The following CEP72 variants were observed in gnomAD, a reference collection of about 807,000 sequenced individuals.
CEP72 encodes the protein centrosomal protein 72, also known as centrosomal protein of 72 kDa.
CEP72 carries 78 observed loss-of-function variants against 65.7 expected under a neutral mutation model. The observed-to-expected ratio is 1.19, with a 90% CI of 0.99 to 1.43. The LOEUF is 1.43. Ranked by LOEUF, CEP72 falls within the 40% of genes most tolerant of loss-of-function variation. The pLI, the probability that CEP72 is intolerant of heterozygous loss-of-function variation, is 0.00. For missense variants in CEP72, 914 were observed against 832.9 expected, an observed-to-expected ratio of 1.10 and a Z score of -1.20; for synonymous variants, 358 against 351.7, an observed-to-expected ratio of 1.02 and a Z score of -0.20.
In CEP72 at chr5:612,453, AGGGC is replaced by A; in HGVS notation, c.82+18_82+21del. 1 of 1,291,280 alleles carries A rather than the reference AGGGC, an allele frequency of 7.7e-7. No homozygotes were observed. Among genetic ancestry groups the A allele is most frequent in the Non-Finnish European group, 1.0e-6 (1 of 977,380 alleles). The allele number at this position is 1,291,280 out of a possible 1,614,324, so 80.0% of individuals were successfully genotyped here. ...CCTCACCGCGACCTGGGTGCGCCGGAGGGCGGGCGGGGGTGCAAGCGTGAGGTGG... is the reference window on the plus strand; with the variant it reads ...CCTCACCGCGACCTGGGTGCGCCGGAGGGCGGGGGTGCAAGCGTGAGGTGG... On this transcript the variant is annotated intron_variant, in intron 1 of 11. Coordinates refer to ENST00000264935, the MANE Select transcript of CEP72 (RefSeq NM_018140.4).
chr5:644,074 C>T (rs959208394), intron 9 of CEP72: 1 of 518,216 alleles, frequency 1.9e-6, no homozygotes, highest in African/African-American at 1.9e-5. Context: ...GCGCTCCTTT[C>T]CATCCCTCTC....
chr5:642,250 C>T (rs1421880913), intron 9 of CEP72: 1 of 774,684 alleles, frequency 1.3e-6, no homozygotes, highest in African/African-American at 2.4e-5. Flanking sequence ...CCAGAAGCCT[C>T]TGCTTTTAAA....
rs542445235 is a variant in CEP72, at chr5:645,891, C to T, written c.1666+1466C>T. Reference sequence around the variant, plus strand: ...GCTGTGTGAGCGTCACTCCTGCTCCCGTCGGCGGCCTGTGTGGACGGTGAA... The same window carrying T: ...GCTGTGTGAGCGTCACTCCTGCTCCTGTCGGCGGCCTGTGTGGACGGTGAA... On this transcript the variant is annotated intron_variant, in intron 10 of 11. Coordinates refer to ENST00000264935, the MANE Select transcript of CEP72 (RefSeq NM_018140.4). The surrounding 1 kb of genome is among the most constrained non-coding windows in gnomAD (Gnocchi z 4.0). Among the ~76,000 whole-genome samples the T allele has an allele frequency of 5.3e-5, 8 of 152,322 alleles. No homozygotes were observed. The highest frequency in any genetic ancestry group is 2.1e-4 in the South Asian group (1 of 4,822).
At chr5:635,258 A>T in intron 5 of CEP72, 114 bp from the exon 6 acceptor site, 1 of 765,148 alleles carries the variant, frequency 1.3e-6, no homozygotes, top group South Asian at 1.9e-5. Context: ...GCACGTGATT[A>T]ACCCCTCGGT....
chr5:614,283 T>A (rs1735856107), intron 1 of CEP72, among the ~76,000 whole-genome samples: 1 of 152,158 alleles, frequency 6.6e-6, no homozygotes, highest in Non-Finnish European at 1.5e-5. Context: ...TGTAGATTAT[T>A]GATTTGAGAC....
intron 4 of CEP72, among the ~76,000 whole-genome samples, chr5:628,490 C>A (rs1736918280): frequency 6.6e-6 from 1 of 150,598 alleles, no homozygotes; most frequent in African/African-American, 2.5e-5. Flanking sequence ...GTTGCCGTCC[C>A]TGGGGAGTGT....
At chr5:656,372 G>A (rs915342900), downstream of CEP72, among the ~76,000 whole-genome samples, 3 of 152,204 alleles carry the variant, frequency 2.0e-5, no homozygotes, top group Non-Finnish European at 2.9e-5. Context: ...ATCAACTTGG[G>A]AATCATTGAC....
chr5:664,876 TAGG>T (rs1739828355), intron 2 of CEP72: 1 of 572,426 alleles, frequency 1.7e-6, no homozygotes, highest in Non-Finnish European at 3.1e-6. Flanking sequence ...GCAGGTGTAT[TAGG>T]AGGGTCAGCG....
intron 2 of CEP72, chr5:665,002 C>CT (rs1416025849): frequency 4.9e-6 from 7 of 1,424,694 alleles, no homozygotes; most frequent in Middle Eastern, 2.6e-4. Context: ...GGGCACCCGT[C>CT]TGAGTTCTGC....
chr5:670,294 G>A (rs1016867240), downstream of CEP72, among the ~76,000 whole-genome samples: 5 of 152,196 alleles, frequency 3.3e-5, no homozygotes, highest in African/African-American at 4.8e-5. Context: ...AGGGGCGGGG[G>A]CCGGCGGGCG....
At chr5:668,938 G>C (rs1302589194), downstream of CEP72, among the ~76,000 whole-genome samples, 3 of 152,206 alleles carry the variant, frequency 2.0e-5, no homozygotes, top group Non-Finnish European at 2.9e-5. Flanking sequence ...GTGATTCCCA[G>C]ACCCCAAGGC....
At chr5:670,745 G>A (rs776683268), downstream of CEP72, among the ~76,000 whole-genome samples, 8 of 152,128 alleles carry the variant, frequency 5.3e-5, no homozygotes, top group Non-Finnish European at 8.8e-5. Context: ...CCTGCCTCCC[G>A]CAAGCCCCAG....
chr5:644,110 G>A (rs527502589), intron 9 of CEP72, 189 bp from the exon 10 acceptor site: 2 of 601,890 alleles, frequency 3.3e-6, no homozygotes. Context: ...CCCTGAGGGT[G>A]CTGCAGGGCT....
At chr5:655,871 G>A (rs1739365013), downstream of CEP72, among the ~76,000 whole-genome samples, 1 of 152,070 alleles carries the variant, frequency 6.6e-6, no homozygotes, top group South Asian at 2.1e-4. The surrounding 1 kb of genome is among the most constrained non-coding windows in gnomAD (Gnocchi z 5.0). Flanking sequence ...AGCTTTTCTT[G>A]TCTTTTTACT....
At position 634,019 on chromosome 5, in the gene CEP72, G is replaced by A. The variant is rs1020913533; in HGVS notation, c.691+72G>A. ...GATATATATAGTCGTTACTGGGCTTGGAGTCCACAGTTGCTCTTTTTGTGG... is the reference window on the plus strand; with the variant it reads ...GATATATATAGTCGTTACTGGGCTTAGAGTCCACAGTTGCTCTTTTTGTGG... On this transcript the variant is annotated intron_variant, in intron 5 of 11. Coordinates refer to ENST00000264935, the MANE Select transcript of CEP72 (RefSeq NM_018140.4). The A allele has an allele frequency of 1.4e-5, 19 of 1,404,682 alleles. No individual in the cohort carries two copies. In the African/African-American group the frequency reaches 2.3e-4, roughly 17 times the overall value. The allele number at this position is 1,404,682 out of a possible 1,614,324, so 87.0% of individuals were successfully genotyped here. A position where few individuals can be genotyped will look rare whatever the true frequency, so the allele number is the denominator to read the frequency against.
chr5:647,740 C>G, intron 10 of CEP72, 65 bp from the exon 11 acceptor site: 2 of 1,083,606 alleles, frequency 1.8e-6, no homozygotes, highest in South Asian at 1.4e-5. Flanking sequence ...GAATTGTTTT[C>G]ATTTTCAAAA....
chr5:666,233 T>C (rs888638307), intron 4 of CEP72: 5 of 1,336,464 alleles, frequency 3.7e-6, no homozygotes, highest in Non-Finnish European at 5.1e-6. Flanking sequence ...GCCCACAGGC[T>C]TCACCCACAG....
intron 8 of CEP72, among the ~76,000 whole-genome samples, 164 bp downstream of exon 8, chr5:639,388 G>T (rs1213605001): frequency 6.6e-6 from 1 of 152,236 alleles, no homozygotes; most frequent in Non-Finnish European, 1.5e-5. Flanking sequence ...GGCAGTCTTT[G>T]CATCTCACAG....
the CEP72 span, among the ~76,000 whole-genome samples, chr5:674,260 C>T: frequency 1.1e-4 from 17 of 152,118 alleles, no homozygotes; most frequent in South Asian, 8.3e-4. Flanking sequence ...TCCACACGCC[C>T]GAGCCTGCTG....
Sources: allele counts gnomAD v4.1 joint callset (sites outside exome capture counted in the v4.1 genomes callset), GRCh38; gene constraint gnomAD v4.1.1; non-coding constraint Gnocchi (gnomAD v3.1); transcripts MANE v1.5; gene names NCBI Gene and HGNC (gene_info 2026-07-23, HGNC 2026-07-21).